PRORP: variants seen among roughly 807,000 people sequenced by gnomAD.
The protein encoded by PRORP is mitochondrial ribonuclease P catalytic subunit.
A neutral mutation model predicts 59.4 loss-of-function variants in PRORP; 51 were observed. The observed-to-expected ratio is 0.86, with a 90% CI of 0.69 to 1.08. The LOEUF (loss-of-function observed/expected upper bound fraction) is 1.08, where lower values mean the gene tolerates loss of function less well. Ranked by LOEUF, PRORP falls within the 50% of genes least tolerant of loss-of-function variation. The probability of loss-of-function intolerance (pLI) is 0.00; values close to 1 mark genes in which losing one functional copy is unlikely to be tolerated. For missense variants in PRORP, 646 were observed against 690.3 expected, an observed-to-expected ratio of 0.94 and a Z score of 0.72; for synonymous variants, 231 against 245.6, an observed-to-expected ratio of 0.94 and a Z score of 0.55.
At chr14:35,212,715 A>C (rs540800252) in intron 5 of PRORP, among the ~76,000 whole-genome samples, 1 of 152,254 alleles carries the variant, frequency 6.6e-6, no homozygotes, top group South Asian at 2.1e-4. Context: ...CATAATTCTT[A>C]AGGGCCCTAG....
intron 1 of PRORP, 82 bp downstream of exon 1, chr14:35,122,717 TCCTCGTCCCCCC>T (rs2046959115): frequency 6.4e-6 from 1 of 156,698 alleles, no homozygotes; most frequent in African/African-American, 2.4e-5. Context: ...ACCTCCTCCC[TCCTCGTCCCCCC>T]ACCGGAGGAG....
chr14:35,133,589 G>A (rs965996380), intron 4 of PRORP, among the ~76,000 whole-genome samples: 2 of 152,090 alleles, frequency 1.3e-5, no homozygotes, highest in Non-Finnish European at 2.9e-5. Flanking sequence ...GAAGAGTTAG[G>A]TATTTATTGT....
chr14:35,144,991 GTTTT>G lies in PRORP; in HGVS notation c.1167+17381_1167+17384del, dbSNP rs2047570410. Among the ~76,000 whole-genome samples the G allele has an allele frequency of 1.4e-5, 2 of 145,274 alleles. 1 individual carries two copies. The highest frequency in any genetic ancestry group is 4.5e-4 in the South Asian group (2 of 4,416). On this transcript the variant is annotated intron_variant, in intron 4 of 7. Transcript: ENST00000534898. Reference sequence around the variant, plus strand: ...ATGTTCTTTTTTAGTTCTTTTGTTTGTTTTAAGAGACCCTTGTCACCCAAACTAG... The same window carrying G: ...ATGTTCTTTTTTAGTTCTTTTGTTTGAAGAGACCCTTGTCACCCAAACTAG...
At chr14:35,223,532 T>G (rs906021724) in intron 5 of PRORP, among the ~76,000 whole-genome samples, 1 of 148,326 alleles carries the variant, frequency 6.7e-6, no homozygotes, top group Non-Finnish European at 1.5e-5. Flanking sequence ...TGATCTCGGC[T>G]CACTGCAACC....
intron 4 of PRORP, among the ~76,000 whole-genome samples, chr14:35,135,679 G>A (rs1229182686): frequency 6.6e-6 from 1 of 152,182 alleles, no homozygotes; most frequent in Non-Finnish European, 1.5e-5. Context: ...TTTTAAGCAG[G>A]CCGGGCATAG....
intron 4 of PRORP, among the ~76,000 whole-genome samples, chr14:35,169,195 A>G (rs960246812): frequency 1.2e-4 from 19 of 152,018 alleles, no homozygotes; most frequent in South Asian, 2.1e-4. Context: ...TTAGTTCAAA[A>G]TATTTCCTAA....
intron 5 of PRORP, among the ~76,000 whole-genome samples, chr14:35,242,615 A>G (rs2050395045): frequency 6.6e-6 from 1 of 152,210 alleles, no homozygotes; most frequent in Admixed American, 6.5e-5. Context: ...TTGCACATAT[A>G]TGGCATAATT....
At chr14:35,129,582 C>A (rs989008100) in intron 4 of PRORP, among the ~76,000 whole-genome samples, 3 of 151,350 alleles carry the variant, frequency 2.0e-5, no homozygotes, top group Admixed American at 6.6e-5. Context: ...TCAGGAGATT[C>A]TCCTGCCTCA....
intron 4 of PRORP, among the ~76,000 whole-genome samples, chr14:35,149,911 A>G (rs886728977): frequency 1.3e-5 from 2 of 152,106 alleles, no homozygotes; most frequent in South Asian, 2.1e-4. Context: ...GTGCAGCGGC[A>G]TAATCTCAGT....
In PRORP at chr14:35,259,929, TTTGAGTG is replaced by T. The variant is rs2050856863; in HGVS notation, c.1276-6796_1276-6790del. 2.0e-5 allele frequency among the ~76,000 whole-genome samples: 3 copies of T among 151,888 alleles called. No individual in the cohort carries two copies. The South Asian group carries it at 6.2e-4, about 31-fold the overall frequency. ...AAAATAAAATAAAATCTATAGTGTT[TTTGAGTG>T]TATCTTTTTGTATAGCATTTTTAGT... On this transcript the variant is annotated intron_variant, in intron 5 of 7. Coordinates refer to ENST00000534898, the MANE Select transcript of PRORP (RefSeq NM_014672.4).
intron 4 of PRORP, among the ~76,000 whole-genome samples, chr14:35,148,316 G>C (rs2047660212): frequency 6.6e-6 from 1 of 152,210 alleles, no homozygotes; most frequent in South Asian, 2.1e-4. Flanking sequence ...AATGGATGTT[G>C]TGTTGGTAGA....
intron 5 of PRORP, among the ~76,000 whole-genome samples, chr14:35,263,603 G>A (rs896866378): frequency 6.6e-6 from 1 of 152,082 alleles, no homozygotes; most frequent in Non-Finnish European, 1.5e-5. Context: ...TAGGAGAATC[G>A]CTTGAACCTG....
At chr14:35,243,985 T>G (rs1334544348) in intron 5 of PRORP, among the ~76,000 whole-genome samples, 2 of 152,214 alleles carry the variant, frequency 1.3e-5, no homozygotes, top group Non-Finnish European at 2.9e-5. Flanking sequence ...AAAACAGCTC[T>G]TCTACCAAGA....
chr14:35,195,063 A>G (rs1253546328), intron 5 of PRORP, among the ~76,000 whole-genome samples: 1 of 152,158 alleles, frequency 6.6e-6, no homozygotes, highest in Non-Finnish European at 1.5e-5. Flanking sequence ...ATGTGGTATT[A>G]GCATATGCAG....
At chr14:35,216,990 G>A (rs988006599) in intron 5 of PRORP, among the ~76,000 whole-genome samples, 1 of 152,010 alleles carries the variant, frequency 6.6e-6, no homozygotes, top group Non-Finnish European at 1.5e-5. Flanking sequence ...TTTTAAAATT[G>A]GATTGATTTT....
chr14:35,132,039 A>G (rs2047254925), intron 4 of PRORP, among the ~76,000 whole-genome samples: 1 of 151,590 alleles, frequency 6.6e-6, no homozygotes, highest in East Asian at 2.0e-4. Context: ...GGGTTTCACC[A>G]TGTTGGCCAG....
At chr14:35,162,646 C>T (rs1458941802) in intron 4 of PRORP, among the ~76,000 whole-genome samples, 5 of 151,030 alleles carry the variant, frequency 3.3e-5, no homozygotes, top group African/African-American at 7.3e-5. Context: ...TTAAAATATT[C>T]GAATTTGTCA....
At chr14:35,164,676 T>C (rs976986119) in intron 4 of PRORP, among the ~76,000 whole-genome samples, 5 of 152,210 alleles carry the variant, frequency 3.3e-5, no homozygotes, top group Non-Finnish European at 5.9e-5. Flanking sequence ...TACTGGGTAC[T>C]GTGTTCACTA....
intron 4 of PRORP, among the ~76,000 whole-genome samples, chr14:35,160,000 A>T (rs1334108215): frequency 1.3e-5 from 2 of 152,242 alleles, no homozygotes; most frequent in Non-Finnish European, 2.9e-5. Context: ...AGTGATTCCT[A>T]GCAGGAATAA....
Sources: gnomAD v4.1 joint callset for allele counts (sites outside exome capture counted in the v4.1 genomes callset) on GRCh38, gnomAD v4.1.1 for gene constraint, MANE v1.5 for transcripts, NCBI Gene and HGNC (gene_info 2026-07-23, HGNC 2026-07-21) for gene names.